Variants in C3orf18 observed in about 807,000 individuals in gnomAD.
The protein encoded by C3orf18 is chromosome 3 open reading frame 18, also known as uncharacterized protein C3orf18.
C3orf18 carries 12 observed loss-of-function variants against 14.1 expected under a neutral mutation model. The observed-to-expected ratio is 0.85, with a 90% CI of 0.55 to 1.38. The LOEUF (loss-of-function observed/expected upper bound fraction) is 1.38, where lower values mean the gene tolerates loss of function less well. Ranked by LOEUF, C3orf18 falls within the 40% of genes most tolerant of loss-of-function variation. The probability of loss-of-function intolerance (pLI) is 0.00; values close to 1 mark genes in which losing one functional copy is unlikely to be tolerated. For missense variants in C3orf18, 196 were observed against 213.9 expected, an observed-to-expected ratio of 0.92 and a Z score of 0.52; for synonymous variants, 82 against 87.9, an observed-to-expected ratio of 0.93 and a Z score of 0.38.
chr3:50,558,279 C>T lies in C3orf18; in HGVS notation c.*1378G>A, dbSNP rs1361642059. 5 of 169,280 alleles carry T rather than the reference C, an allele frequency of 3.0e-5. No homozygotes were observed. The highest frequency in any genetic ancestry group is 6.4e-5 in the Non-Finnish European group (5 of 78,584). The allele number at this position is 169,280 out of a possible 1,614,324, so 10.5% of individuals were successfully genotyped here. A position where few individuals can be genotyped will look rare whatever the true frequency, so the allele number is the denominator to read the frequency against. On this transcript the variant is annotated 3_prime_UTR_variant, in exon 6 of 6. Transcript: ENST00000357203. ...CCCCTGCATCCCCTCCAGCCAGCAGCGGACAGTGACGGTGGAGAGGCTGGG... is the reference window on the plus strand; with the variant it reads ...CCCCTGCATCCCCTCCAGCCAGCAGTGGACAGTGACGGTGGAGAGGCTGGG...
intron 3 of C3orf18, among the ~76,000 whole-genome samples, chr3:50,564,924 C>T (rs1045490421): frequency 6.6e-6 from 1 of 152,228 alleles, no homozygotes; most frequent in African/African-American, 2.4e-5. Context: ...ACTTGGAACT[C>T]CTTGACTACT....
chr3:50,567,936 G>A (rs1700465273), upstream of C3orf18, among the ~76,000 whole-genome samples: 1 of 152,280 alleles, frequency 6.6e-6, no homozygotes. Context: ...GCGGAGGACA[G>A]TGGGTGGCCA....
upstream of C3orf18, chr3:50,571,532 C>T (rs1700956087): frequency 5.7e-6 from 4 of 704,546 alleles, no homozygotes; most frequent in East Asian, 2.6e-5. Flanking sequence ...CTGGGATAGA[C>T]ACCTGGAAGC....
intron 3 of C3orf18, among the ~76,000 whole-genome samples, chr3:50,563,377 C>G (rs1192692722): frequency 6.6e-6 from 1 of 152,128 alleles, no homozygotes. Context: ...CCTCCCTCCC[C>G]TGAGACCCTG....
upstream of C3orf18, chr3:50,571,631 A>G (rs1700972727): frequency 1.5e-6 from 2 of 1,294,782 alleles, no homozygotes; most frequent in Non-Finnish European, 2.2e-6. Flanking sequence ...AGTGCTGGGC[A>G]GGCATTATCC....
chr3:50,573,689 C>T (rs906136058), upstream of C3orf18, among the ~76,000 whole-genome samples: 8 of 152,172 alleles, frequency 5.3e-5, no homozygotes, highest in Admixed American at 3.9e-4. Context: ...AAAGCCACAT[C>T]GGGGGATGCC....
chr3:50,565,808 GC>G lies in C3orf18; in HGVS notation c.-110del. On this transcript the variant is annotated 5_prime_UTR_variant, in exon 3 of 6. Transcript: ENST00000357203. The surrounding 1 kb of genome is among the most constrained non-coding windows in gnomAD (Gnocchi z 4.4). ...CCTGTGGTTCCTGCCACCTGTGGTG[GC>G]CACCTGCACAGCCACCTCCTTGGAT... 1.3e-6 allele frequency: 1 copy of G among 759,724 alleles called. No individual in the cohort carries two copies. Among genetic ancestry groups the G allele is most frequent in the Non-Finnish European group, 2.1e-6 (1 of 470,476 alleles). The allele number at this position is 759,724 out of a possible 1,614,324, so 47.1% of individuals were successfully genotyped here.
In C3orf18 at chr3:50,558,583, G is replaced by T; in HGVS notation, c.*1074C>A. ...AGTGCAATCCCTCACCCACTTTCAGGCAGTCATAACTGCCCCCTCTAGCCT... is the reference window on the plus strand; with the variant it reads ...AGTGCAATCCCTCACCCACTTTCAGTCAGTCATAACTGCCCCCTCTAGCCT... On this transcript the variant is annotated 3_prime_UTR_variant, in exon 6 of 6. Transcript: ENST00000357203. The T allele has an allele frequency of 2.7e-6, 2 of 739,202 alleles. No homozygotes were observed. The highest frequency in any genetic ancestry group is 5.7e-4 in the Middle Eastern group (1 of 1,748). 45.8% of individuals were successfully genotyped at this position (739,202 alleles called of 1,614,324 possible).
At chr3:50,561,982 C>A in intron 3 of C3orf18, 1 of 603,706 alleles carries the variant, frequency 1.7e-6, no homozygotes, top group East Asian at 2.8e-5. Flanking sequence ...TCACTGCAAC[C>A]TTCGCCTCCA....
chr3:50,572,708 GC>G (rs1215507590), upstream of C3orf18, among the ~76,000 whole-genome samples: 1 of 152,236 alleles, frequency 6.6e-6, no homozygotes. Context: ...GAATCTGGTG[GC>G]CCTCTTAGGT....
At chr3:50,564,622 C>T (rs1330601284) in intron 3 of C3orf18, among the ~76,000 whole-genome samples, 2 of 152,202 alleles carry the variant, frequency 1.3e-5, no homozygotes, top group African/African-American at 2.4e-5. Context: ...GTTTCCCACT[C>T]CCTGTAAGAA....
chr3:50,558,963 C>T lies in C3orf18; in HGVS notation c.*694G>A, dbSNP rs1699807609. On this transcript the variant is annotated 3_prime_UTR_variant, in exon 6 of 6. Transcript: ENST00000357203. ...CTCGGCAGGTCTGGGGGGGCTGCAT[C>T]CTTCCACTTCCATTCCCCTACTTCC... 6.2e-6 allele frequency: 8 copies of T among 1,287,500 alleles called. No homozygotes were observed. Among genetic ancestry groups the T allele is most frequent in the African/African-American group, 4.5e-5 (3 of 65,948 alleles). 79.8% of individuals were successfully genotyped at this position (1,287,500 alleles called of 1,614,324 possible). A position where few individuals can be genotyped will look rare whatever the true frequency, so the allele number is the denominator to read the frequency against.
At position 50,565,733 on chromosome 3, in the gene C3orf18, C is replaced by T; in HGVS notation, c.-34G>A. 5 of 1,533,666 alleles carry T rather than the reference C, an allele frequency of 3.3e-6. No homozygotes were observed. The highest frequency in any genetic ancestry group is 4.4e-6 in the Non-Finnish European group (5 of 1,124,464). Reference sequence around the variant, plus strand: ...GGAGAGGGCCCTGGCTGAGAGGCTGCCTGATGCCAGTCAACCTGCCCACTC... The same window carrying T: ...GGAGAGGGCCCTGGCTGAGAGGCTGTCTGATGCCAGTCAACCTGCCCACTC... On this transcript the variant is annotated 5_prime_UTR_variant, in exon 3 of 6. Transcript: ENST00000357203. The surrounding 1 kb of genome is among the most constrained non-coding windows in gnomAD (Gnocchi z 4.4).
chr3:50,562,540 G>C (rs750401270), intron 3 of C3orf18: 1 of 455,276 alleles, frequency 2.2e-6, no homozygotes, highest in Non-Finnish European at 4.4e-6. Flanking sequence ...AGGATCTCTT[G>C]AGCCCAGGAG....
upstream of C3orf18, among the ~76,000 whole-genome samples, chr3:50,568,629 G>A (rs958641208): frequency 2.6e-5 from 4 of 151,202 alleles, no homozygotes; most frequent in Non-Finnish European, 4.4e-5. Flanking sequence ...GGGAGGCTGA[G>A]GCAGGAGAAT....
At chr3:50,560,889 C>A (rs751126572) in intron 5 of C3orf18, 28 bp downstream of exon 5, 2 of 1,580,720 alleles carry the variant, frequency 1.3e-6, no homozygotes, top group South Asian at 1.1e-5. Flanking sequence ...ATGCTGCAGG[C>A]GGGGTGGGGA....
At position 50,567,717 on chromosome 3, in the gene C3orf18, A is replaced by T. The variant is rs1363435038; in HGVS notation, c.-506T>A. 1 of 152,252 alleles carries T rather than the reference A, an allele frequency of 6.6e-6. No homozygotes were observed. The highest frequency in any genetic ancestry group is 1.5e-5 in the Non-Finnish European group (1 of 68,068). The allele number at this position is 152,252 out of a possible 1,614,324, so 9.4% of individuals were successfully genotyped here. A position where few individuals can be genotyped will look rare whatever the true frequency, so the allele number is the denominator to read the frequency against. On this transcript the variant is annotated 5_prime_UTR_variant, in exon 1 of 6. Transcript: ENST00000357203. Reference sequence around the variant, plus strand: ...CCACGGCGGAGGTGGGGCCGGGCCGAGCAGCCTCGGGGGATCCCCGAAGCT... The same window carrying T: ...CCACGGCGGAGGTGGGGCCGGGCCGTGCAGCCTCGGGGGATCCCCGAAGCT...
upstream of C3orf18, among the ~76,000 whole-genome samples, chr3:50,568,399 C>T (rs899971122): frequency 2.0e-5 from 3 of 152,126 alleles, no homozygotes; most frequent in South Asian, 2.1e-4. Context: ...CTGTGTCTCC[C>T]GGTCTGGGAA....
upstream of C3orf18, chr3:50,570,021 T>C (rs1700748260): frequency 6.6e-6 from 1 of 152,190 alleles, no homozygotes; most frequent in Non-Finnish European, 1.5e-5. Context: ...TTTGTATTTT[T>C]AGTAGAGACA....
Sources: gnomAD v4.1 joint callset for allele counts (sites outside exome capture counted in the v4.1 genomes callset) on GRCh38, gnomAD v4.1.1 for gene constraint, Gnocchi (gnomAD v3.1) non-coding constraint, MANE v1.5 for transcripts, NCBI Gene and HGNC (gene_info 2026-07-23, HGNC 2026-07-21) for gene names.